Variants in NTM observed in about 807,000 individuals in gnomAD.
The protein encoded by NTM is neurotrimin, also known as IgLON family member 2.
NTM carries 13 observed loss-of-function variants against 42.1 expected under a neutral mutation model. That is an observed-to-expected ratio of 0.31 (90% CI 0.20 to 0.49). NTM has a LOEUF of 0.49. NTM is among the 20% of genes least tolerant of loss of function. The pLI, the probability that NTM is intolerant of heterozygous loss-of-function variation, is 0.99. For missense variants in NTM, 373 were observed against 452.8 expected, an observed-to-expected ratio of 0.82 and a Z score of 1.60; for synonymous variants, 187 against 179.2, an observed-to-expected ratio of 1.04 and a Z score of -0.35.
At position 131,511,729 on chromosome 11, in the gene NTM, A is replaced by G. The variant is rs372380010; in HGVS notation, c.82+140841A>G. Among the ~76,000 whole-genome samples, 193 of 151,810 alleles carry G rather than the reference A, an allele frequency of 1.3e-3. 2 individuals are homozygous for G. The highest frequency in any genetic ancestry group is 4.1e-3 in the African/African-American group (169 of 41,338). On this transcript the variant is annotated intron_variant, in intron 1 of 8. Transcript: ENST00000683400. ...GTGGCACCTGGCAGCTGCGTCCTCC[A>G]CCTCCTTTCTGTGCATACTGCTAAA...
intron 3 of NTM, among the ~76,000 whole-genome samples, chr11:132,184,590 C>T (rs1566409925): frequency 1.3e-5 from 2 of 152,102 alleles, no homozygotes; most frequent in Non-Finnish European, 2.9e-5. Flanking sequence ...GTGGTGAAAC[C>T]CTCTCATTCA....
chr11:132,320,654 C>G (rs530265509), intron 7 of NTM, among the ~76,000 whole-genome samples: 13 of 152,186 alleles, frequency 8.5e-5, no homozygotes, highest in African/African-American at 1.9e-4. Flanking sequence ...CCAGAAAGCT[C>G]GAACTGGGTG....
At chr11:132,232,382 G>A (rs566326372) in intron 4 of NTM, among the ~76,000 whole-genome samples, 52 of 152,292 alleles carry the variant, frequency 3.4e-4, no homozygotes, top group African/African-American at 1.1e-3. Context: ...ACTGGGACCC[G>A]GGCACACTGC....
chr11:131,474,209 CA>C (rs1952704941), intron 1 of NTM, among the ~76,000 whole-genome samples: 1 of 152,144 alleles, frequency 6.6e-6, no homozygotes, highest in African/African-American at 2.4e-5. Context: ...TTTCTCTGAA[CA>C]TATCCACATC....
intron 1 of NTM, among the ~76,000 whole-genome samples, chr11:131,780,147 C>A (rs2087797014): frequency 6.6e-6 from 1 of 152,140 alleles, no homozygotes. Context: ...CCAAATCCAT[C>A]TTTTAGAAAT....
intron 1 of NTM, among the ~76,000 whole-genome samples, chr11:131,417,375 CCAG>C: frequency 6.6e-6 from 1 of 152,078 alleles, no homozygotes; most frequent in Non-Finnish European, 1.5e-5. Context: ...TTTCCTGGCT[CCAG>C]AAAGAATTGT....
chr11:131,414,773 C>T (rs1591602298), intron 1 of NTM, among the ~76,000 whole-genome samples: 1 of 152,346 alleles, frequency 6.6e-6, no homozygotes, highest in South Asian at 2.1e-4. Flanking sequence ...TCTTCATTTA[C>T]AATGTCCTGC....
chr11:131,618,184 T>G (rs915031748), intron 1 of NTM, among the ~76,000 whole-genome samples: 6 of 152,162 alleles, frequency 3.9e-5, no homozygotes, highest in Admixed American at 1.3e-4. Context: ...ACAGCAGAAA[T>G]TCAGCACATC....
At chr11:132,171,435 G>A (rs1240600743) in intron 3 of NTM, among the ~76,000 whole-genome samples, 5 of 152,154 alleles carry the variant, frequency 3.3e-5, no homozygotes, top group Non-Finnish European at 7.3e-5. Context: ...CATTGATGAC[G>A]ACACCTTTTT....
At chr11:131,801,842 C>G (rs1591958043) in intron 1 of NTM, among the ~76,000 whole-genome samples, 2 of 152,204 alleles carry the variant, frequency 1.3e-5, no homozygotes, top group African/African-American at 2.4e-5. Flanking sequence ...TCTCCTTGAT[C>G]AGAATGTGAG....
intron 2 of NTM, among the ~76,000 whole-genome samples, chr11:132,093,441 A>G (rs1288480033): frequency 6.6e-6 from 1 of 152,302 alleles, no homozygotes; most frequent in African/African-American, 2.4e-5. Context: ...TGTTCCATCC[A>G]ACAGATATTG....
At chr11:131,891,764 C>T (rs2051378648) in intron 1 of NTM, among the ~76,000 whole-genome samples, 1 of 152,200 alleles carries the variant, frequency 6.6e-6, no homozygotes, top group African/African-American at 2.4e-5. Context: ...AGATAAATGG[C>T]AGGCCTGTTA....
intron 1 of NTM, among the ~76,000 whole-genome samples, chr11:131,659,086 C>T (rs1436636346): frequency 2.0e-5 from 3 of 152,188 alleles, no homozygotes; most frequent in South Asian, 4.1e-4. Flanking sequence ...TATCAGTTCC[C>T]TCCCTCAGGG....
At chr11:131,968,151 A>G (rs2063074646) in intron 2 of NTM, among the ~76,000 whole-genome samples, 1 of 152,236 alleles carries the variant, frequency 6.6e-6, no homozygotes, top group South Asian at 2.1e-4. Context: ...GATCTTGTAA[A>G]GTGAATAAGG....
At chr11:131,840,948 G>C (rs1006171363) in intron 1 of NTM, among the ~76,000 whole-genome samples, 7 of 152,244 alleles carry the variant, frequency 4.6e-5, no homozygotes, top group African/African-American at 1.7e-4. Flanking sequence ...TCATCTTGAG[G>C]AGTGAGATGG....
chr11:131,614,657 G>A (rs887473428), intron 1 of NTM, among the ~76,000 whole-genome samples: 6 of 152,176 alleles, frequency 3.9e-5, no homozygotes, highest in African/African-American at 9.6e-5. Flanking sequence ...CTCTGCCATC[G>A]TCACTGCTTT....
At chr11:131,618,924 A>G (rs1222506319) in intron 1 of NTM, among the ~76,000 whole-genome samples, 4 of 152,232 alleles carry the variant, frequency 2.6e-5, no homozygotes, top group African/African-American at 9.6e-5. Flanking sequence ...ATAGAAAATC[A>G]TAATTGTCTG....
chr11:132,065,366 A>G (rs1241910074), intron 2 of NTM, among the ~76,000 whole-genome samples: 1 of 152,178 alleles, frequency 6.6e-6, no homozygotes, highest in Non-Finnish European at 1.5e-5. Context: ...ATCTCAGGGC[A>G]AAAAGGCACA....
chr11:132,321,842 C>T (rs1350090772), intron 7 of NTM, among the ~76,000 whole-genome samples: 2 of 149,616 alleles, frequency 1.3e-5, no homozygotes, highest in African/African-American at 4.9e-5. Flanking sequence ...GGCAGAAACC[C>T]TACAAGCCAG....
Sources: gnomAD v4.1 joint callset for allele counts (sites outside exome capture counted in the v4.1 genomes callset) on GRCh38, gnomAD v4.1.1 for gene constraint, MANE v1.5 for transcripts, NCBI Gene and HGNC (gene_info 2026-07-23, HGNC 2026-07-21) for gene names.